TMPRSS11A: variants seen among roughly 807,000 people sequenced by gnomAD.
TMPRSS11A encodes the protein transmembrane protease serine 11A.
In TMPRSS11A, 53 loss-of-function variants were observed where a neutral mutation model predicts 58.9. The observed-to-expected ratio is 0.90, with a 90% CI of 0.72 to 1.13. The LOEUF is 1.13. TMPRSS11A is among the 50% of genes most tolerant of loss of function. TMPRSS11A has a pLI of 0.00. For synonymous variants in TMPRSS11A, 167 were observed against 169.8 expected (o/e 0.98, Z 0.13); for missense variants, 493 against 499.3 (o/e 0.99, Z 0.12).
chr4:67,942,604 G>A (rs1187022143), intron 3 of TMPRSS11A, among the ~76,000 whole-genome samples: 2 of 152,266 alleles, frequency 1.3e-5, no homozygotes, highest in East Asian at 3.9e-4. Flanking sequence ...TTAGATGTGG[G>A]GACATAGAAA....
chr4:67,930,661 C>T (rs919554198), intron 4 of TMPRSS11A, among the ~76,000 whole-genome samples: 9 of 151,722 alleles, frequency 5.9e-5, no homozygotes, highest in Admixed American at 3.9e-4. Flanking sequence ...ATTTCTTGAA[C>T]TTTGATCATA....
chr4:67,912,580 C>T (rs1486655824), intron 9 of TMPRSS11A, among the ~76,000 whole-genome samples: 1 of 152,148 alleles, frequency 6.6e-6, no homozygotes, highest in Non-Finnish European at 1.5e-5. Context: ...ATTCCACCCT[C>T]ACAGTTGATA....
At chr4:67,948,464 A>T (rs2109764695) in intron 1 of TMPRSS11A, among the ~76,000 whole-genome samples, 1 of 152,258 alleles carries the variant, frequency 6.6e-6, no homozygotes, top group East Asian at 1.9e-4. Context: ...GGTCTTACAA[A>T]AGTTTTTTAT....
At chr4:67,911,647 A>T (rs1200694332) in intron 9 of TMPRSS11A, 144 bp from the exon 10 acceptor site, 2 of 524,564 alleles carry the variant, frequency 3.8e-6, no homozygotes, top group Non-Finnish European at 6.4e-6. Context: ...TGAGACATGG[A>T]TTTTAATATT....
intron 3 of TMPRSS11A, among the ~76,000 whole-genome samples, chr4:67,941,452 T>C (rs1720877150): frequency 6.6e-6 from 1 of 152,192 alleles, no homozygotes; most frequent in Admixed American, 6.5e-5. Flanking sequence ...TTTCTGTACT[T>C]ACTGTCCTCA....
intron 4 of TMPRSS11A, among the ~76,000 whole-genome samples, chr4:67,930,808 CT>C (rs67302217): frequency 1.9e-3 from 97 of 51,158 alleles, no homozygotes; most frequent in Admixed American, 3.5e-3. Context: ...GTTATCTCTC[CT>C]TTTTTTTTTT....
At chr4:67,950,693 C>T (rs187290507) in intron 1 of TMPRSS11A, among the ~76,000 whole-genome samples, 5 of 152,188 alleles carry the variant, frequency 3.3e-5, no homozygotes, top group Non-Finnish European at 4.4e-5. Flanking sequence ...CTACAGCCTT[C>T]AAAGAAAGCA....
chr4:67,936,965 G>T (rs1251125058), intron 3 of TMPRSS11A, among the ~76,000 whole-genome samples: 1 of 152,164 alleles, frequency 6.6e-6, no homozygotes, highest in East Asian at 1.9e-4. Context: ...GCAAGGGAAG[G>T]TCATTATTTA....
intron 9 of TMPRSS11A, among the ~76,000 whole-genome samples, chr4:67,913,674 C>T (rs752005031): frequency 6.6e-6 from 1 of 152,172 alleles, no homozygotes; most frequent in Non-Finnish European, 1.5e-5. Context: ...TTCTGCCTGC[C>T]TCCCTCCACA....
intron 3 of TMPRSS11A, among the ~76,000 whole-genome samples, chr4:67,933,107 A>T (rs1720669314): frequency 2.9e-5 from 1 of 34,374 alleles, no homozygotes; most frequent in Non-Finnish European, 7.0e-5. Flanking sequence ...TGACTGAAAC[A>T]CACACACACA....
chr4:67,920,552 T>A (rs866540114), intron 7 of TMPRSS11A, among the ~76,000 whole-genome samples: 7,187 of 142,676 alleles, frequency 0.05, 200 homozygotes, highest in East Asian at 0.096. Flanking sequence ...TATATATATT[T>A]TTTTTTATAT....
rs372337582 is a variant in TMPRSS11A at position 67,929,001 on chromosome 4, A to G, written c.481+879T>C. Among the ~76,000 whole-genome samples, 71 of 152,350 alleles carry G rather than the reference A, an allele frequency of 4.7e-4. 1 individual carries two copies. In the South Asian group the frequency reaches 0.012, roughly 26 times the overall value. On this transcript the variant is annotated intron_variant, in intron 5 of 9. Transcript: ENST00000508048. ...GCCTTAGAATTTTTAATATGACACT[A>G]TAAGGAAGAATTTCCAAGAAACGAG...
chr4:67,958,357 T>C (rs915567782), intron 1 of TMPRSS11A, among the ~76,000 whole-genome samples: 4 of 152,158 alleles, frequency 2.6e-5, no homozygotes, highest in African/African-American at 9.7e-5. Flanking sequence ...AGCCACAGGG[T>C]TGGAGCTGCC....
rs1324215716 is a variant in TMPRSS11A, at chr4:67,911,385, A to T, written c.1214T>A (p.Val405Glu). The T allele has an allele frequency of 6.2e-7, 1 of 1,613,326 alleles. No homozygotes were observed. The highest frequency in any genetic ancestry group is 8.5e-7 in the Non-Finnish European group (1 of 1,179,574). Residue 405 changes from valine (V) to glutamate (E), a missense_variant, in exon 10 of 10, where the codon GTG (valine) becomes GAG (glutamate). Coordinates refer to ENST00000508048, the MANE Select transcript of TMPRSS11A (RefSeq NM_001114387.2). Reference sequence around the variant, plus strand: ...AGCAATCCAGTTTCGGTAATAAGTCACTTGTGTGTAGACTCCAGGCTTGTC... The same window carrying T: ...AGCAATCCAGTTTCGGTAATAAGTCTCTTGTGTGTAGACTCCAGGCTTGTC... ...QKDKPGVYTQVTYYRNWIASK... is the reference protein window; with the variant it reads ...QKDKPGVYTQETYYRNWIASK...
intron 8 of TMPRSS11A, among the ~76,000 whole-genome samples, chr4:67,918,147 T>A (rs138441131): frequency 6.6e-6 from 1 of 152,332 alleles, no homozygotes; most frequent in African/African-American, 2.4e-5. Flanking sequence ...ATCCTGCAAA[T>A]AGATTTAGTC....
chr4:67,929,444 C>A (rs762123865), intron 5 of TMPRSS11A, among the ~76,000 whole-genome samples: 1 of 151,998 alleles, frequency 6.6e-6, no homozygotes, highest in Non-Finnish European at 1.5e-5. Flanking sequence ...CCCAAATGCC[C>A]ATAGGAAAAA....
chr4:67,949,937 AATACACT>A (rs1249514576), intron 1 of TMPRSS11A, among the ~76,000 whole-genome samples: 1 of 152,212 alleles, frequency 6.6e-6, no homozygotes, highest in Admixed American at 6.5e-5. Context: ...TTGAAAAAGA[AATACACT>A]TGGTAAATCC....
At chr4:67,949,286 T>C (rs1041838277) in intron 1 of TMPRSS11A, among the ~76,000 whole-genome samples, 3 of 151,932 alleles carry the variant, frequency 2.0e-5, no homozygotes, top group African/African-American at 7.3e-5. Context: ...TCAATACCCA[T>C]TGACATACTG....
At chr4:67,942,594 T>C (rs1472665429) in intron 3 of TMPRSS11A, among the ~76,000 whole-genome samples, 1 of 152,216 alleles carries the variant, frequency 6.6e-6, no homozygotes, top group Non-Finnish European at 1.5e-5. Context: ...TAAGTGTTGG[T>C]TAGATGTGGG....
Sources: allele counts gnomAD v4.1 joint callset (sites outside exome capture counted in the v4.1 genomes callset), GRCh38; gene constraint gnomAD v4.1.1; transcripts MANE v1.5; gene names NCBI Gene and HGNC (gene_info 2026-07-23, HGNC 2026-07-21).